PRAMEF12: variants seen among roughly 807,000 people sequenced by gnomAD.
The protein encoded by PRAMEF12 is PRAME family member 12.
A neutral mutation model predicts 24.6 loss-of-function variants in PRAMEF12; 24 were observed. That is an observed-to-expected ratio of 0.98 (90% CI 0.71 to 1.37). PRAMEF12 has a LOEUF of 1.37. Among genes scored for constraint, PRAMEF12 ranks in the 40% most tolerant of loss-of-function variants. PRAMEF12 has a pLI of 0.00. For missense variants in PRAMEF12, 646 were observed against 580.3 expected (o/e 1.11, Z -1.16); for synonymous variants, 286 against 242.6 (o/e 1.18, Z -1.66).
At position 12,776,001 on chromosome 1, in the gene PRAMEF12, A is replaced by G; in HGVS notation, c.746A>G (p.Asp249Gly). 1 of 1,614,060 alleles carries G rather than the reference A, an allele frequency of 6.2e-7. No individual in the cohort carries two copies. The highest frequency in any genetic ancestry group is 8.5e-7 in the Non-Finnish European group (1 of 1,180,012). The change falls in exon 2 of 3, where the codon GAC becomes GGC. Residue 249 changes from aspartate to glycine, a missense_variant. Transcript: ENST00000357726. ...CATGTCTCTGCCTGCATTCCCCTAG[A>G]CAGGAAGGAGCAGTTTGTCATCCAG... ...NIHVSACIPL[D>G]RKEQFVIQFT...
chr1:12,776,162 C>T (rs781499466), intron 2 of PRAMEF12, 44 bp downstream of exon 2: 3 of 1,578,138 alleles, frequency 1.9e-6, no homozygotes, highest in Non-Finnish European at 8.7e-7. Flanking sequence ...GCAGCAAAGA[C>T]TTTCTTTATT....
rs745324749 is a variant in PRAMEF12 at position 12,775,647 on chromosome 1, G to T, written c.392G>T (p.Arg131Leu). The change falls in exon 2 of 3, where the codon CGA becomes CTA. Residue 131 changes from arginine to leucine, a missense_variant. Transcript: ENST00000357726. ...ALSPEALSKR[R>L]TAGNCPRPGG... ...TCCCCAGAGGCCCTGAGTAAGAGAC[G>T]AACAGCAGGGAACTGTCCAAGGCCG... 1.1e-5 allele frequency: 18 copies of T among 1,613,966 alleles called. No homozygotes were observed. Among genetic ancestry groups the T allele is most frequent in the Non-Finnish European group, 1.4e-5 (17 of 1,179,996 alleles).
chr1:12,775,199 G>A (rs1477236144), intron 1 of PRAMEF12, 45 bp downstream of exon 1: 6 of 1,568,166 alleles, frequency 3.8e-6, no homozygotes, highest in Non-Finnish European at 5.2e-6. Context: ...CAGGCATCCA[G>A]GGTAGGGTTA....
Position 12,774,809 on chromosome 1 carries a change from G to T in PRAMEF12, c.-59G>T. The T allele has an allele frequency of 6.7e-7, 1 of 1,491,244 alleles. No individual in the cohort carries two copies. 92.4% of individuals were successfully genotyped at this position (1,491,244 alleles called of 1,614,324 possible). A position where few individuals can be genotyped will look rare whatever the true frequency, so the allele number is the denominator to read the frequency against. On this transcript the variant is annotated 5_prime_UTR_variant, in exon 1 of 3. Coordinates refer to ENST00000357726, the MANE Select transcript of PRAMEF12 (RefSeq NM_001080830.5). ...CAGAGCAATGACATTGGCACTAGGA[G>T]ATGATGAAGTGATGTGATTTGCCGT...
chr1:12,774,698 T>A lies in PRAMEF12; in HGVS notation c.-170T>A. 1 of 628,686 alleles carries A rather than the reference T, an allele frequency of 1.6e-6. No homozygotes were observed. Among genetic ancestry groups the A allele is most frequent in the Non-Finnish European group, 2.7e-6 (1 of 371,216 alleles). 38.9% of individuals were successfully genotyped at this position (628,686 alleles called of 1,614,324 possible). ...CTCATTGTTTGGAAGACATTCTTTA[T>A]GGTACCAGCAAGGGCAGAATTACAG... On this transcript the variant is annotated 5_prime_UTR_variant, in exon 1 of 3. An upstream start codon of the reference 5' UTR is lost. Coordinates refer to ENST00000357726, the MANE Select transcript of PRAMEF12 (RefSeq NM_001080830.5).
rs867645147 is a variant in PRAMEF12 at position 12,774,861 on chromosome 1, C to T, written c.-7C>T. ...AGAATGATGTTTTTTTCTCTAGATTCATCAGGATGAGCCTCCAGGCCCCAC... is the reference window on the plus strand; with the variant it reads ...AGAATGATGTTTTTTTCTCTAGATTTATCAGGATGAGCCTCCAGGCCCCAC... On this transcript the variant is annotated 5_prime_UTR_variant, in exon 1 of 3. Coordinates refer to ENST00000357726, the MANE Select transcript of PRAMEF12 (RefSeq NM_001080830.5). 6.3e-7 allele frequency: 1 copy of T among 1,580,914 alleles called. No individual in the cohort carries two copies. Among genetic ancestry groups the T allele is most frequent in the African/African-American group, 1.4e-5 (1 of 73,312 alleles).
rs74055637 is a variant in PRAMEF12 at position 12,774,292 on chromosome 1, A to T, written c.-576A>T. On this transcript the variant is annotated 5_prime_UTR_variant, in exon 1 of 3. Transcript: ENST00000357726. ...TTCCATCCCAAAGTGGGTCATTGTGAGTCTGTGTAAGAGATCAACATTGGA... is the reference window on the plus strand; with the variant it reads ...TTCCATCCCAAAGTGGGTCATTGTGTGTCTGTGTAAGAGATCAACATTGGA... Among the ~76,000 whole-genome samples the T allele has an allele frequency of 0.06, 9,183 of 152,136 alleles. 354 individuals are homozygous for T. The highest frequency in any genetic ancestry group is 0.11 in the African/African-American group (4,643 of 41,470).
Position 12,775,948 on chromosome 1 carries a change from T to C in PRAMEF12, c.693T>C (p.Asn231=). The C allele has an allele frequency of 6.2e-7, 1 of 1,614,098 alleles. No individual in the cohort carries two copies. Among genetic ancestry groups the C allele is most frequent in the Non-Finnish European group, 8.5e-7 (1 of 1,180,024 alleles). ...RFAPYLGQMR[N]LRKLVLFNIH... ...CCCCTTACCTGGGCCAGATGAGGAA[T>C]CTCCGCAAACTTGTTCTCTTCAACA... Residue 231 remains asparagine, a synonymous_variant, in exon 2 of 3, where the codon AAT becomes AAC. Coordinates refer to ENST00000357726, the MANE Select transcript of PRAMEF12 (RefSeq NM_001080830.5).
In PRAMEF12 at chr1:12,775,113, G is replaced by A. The variant is rs1639028400; in HGVS notation, c.246G>A (p.Leu82=). ...ATCTAGAGATCTTTCGAGCTGTGCTGGAGGGGCTTGATGCACTGCTTGCCC... is the reference window on the plus strand; with the variant it reads ...ATCTAGAGATCTTTCGAGCTGTGCTAGAGGGGCTTGATGCACTGCTTGCCC... ...SCNLEIFRAV[L]EGLDALLAQK... The change falls in exon 1 of 3, where the codon CTG becomes CTA. Residue 82 remains leucine, a synonymous_variant. Transcript: ENST00000357726. 8 of 1,613,762 alleles carry A rather than the reference G, an allele frequency of 5.0e-6. No homozygotes were observed. Among genetic ancestry groups the A allele is most frequent in the Non-Finnish European group, 6.8e-6 (8 of 1,179,850 alleles).
chr1:12,777,704 GA>G lies in PRAMEF12; in HGVS notation c.*108del. On this transcript the variant is annotated 3_prime_UTR_variant, in exon 3 of 3. Transcript: ENST00000357726. ...TGCCTGCTCAATGTGAACCGGAAAG[GA>G]AAGGGGATGCAGGAAGGGAGGGACT... is the stretch of plus-strand genomic sequence containing the variant. The G allele has an allele frequency of 2.2e-6, 3 of 1,336,452 alleles. No individual in the cohort carries two copies. Among genetic ancestry groups the G allele is most frequent in the Non-Finnish European group, 3.1e-6 (3 of 971,342 alleles). 82.8% of individuals were successfully genotyped at this position (1,336,452 alleles called of 1,614,324 possible).
Position 12,777,253 on chromosome 1 carries a change from T to C in PRAMEF12, c.1106T>C (p.Leu369Pro). 1 of 1,612,508 alleles carries C rather than the reference T, an allele frequency of 6.2e-7. No individual in the cohort carries two copies. The stretch of plus-strand genomic sequence containing the variant: ...GTGGATTCCCAACTCAGCGCCATCC[T>C]GCCTGCCCTGAGCCGCTGCTCCCAG... ...GIVDSQLSAI[L>P]PALSRCSQLS... The change falls in exon 3 of 3, where the codon CTG becomes CCG. Residue 369 changes from leucine (L) to proline (P), a missense_variant. Physicochemically the swap from Leu to Pro is moderately conservative, Grantham distance 98. Coordinates refer to ENST00000357726, the MANE Select transcript of PRAMEF12 (RefSeq NM_001080830.5).
In PRAMEF12 at chr1:12,774,319, C is replaced by T. The variant is rs1259488632; in HGVS notation, c.-549C>T. Among the ~76,000 whole-genome samples, 4 of 152,150 alleles carry T rather than the reference C, an allele frequency of 2.6e-5. No homozygotes were observed. Among genetic ancestry groups the T allele is most frequent in the African/African-American group, 9.7e-5 (4 of 41,428 alleles). ...TCTGTGTAAGAGATCAACATTGGAA[C>T]CTTCATCTGAGAGTTAGTGTTTTTA... On this transcript the variant is annotated 5_prime_UTR_variant, in exon 1 of 3. Transcript: ENST00000357726.
Position 12,777,811 on chromosome 1 carries a change from A to G in PRAMEF12, c.*212A>G, listed in dbSNP as rs1350933332. 3 of 611,926 alleles carry G rather than the reference A, an allele frequency of 4.9e-6. No individual in the cohort carries two copies. The highest frequency in any genetic ancestry group is 1.9e-5 in the African/African-American group (1 of 53,964). 37.9% of individuals were successfully genotyped at this position (611,926 alleles called of 1,614,324 possible). A position where few individuals can be genotyped will look rare whatever the true frequency, so the allele number is the denominator to read the frequency against. ...ATCAGAAATGGGAATCTGAATTGCT[A>G]GAATGAGAATCAGGTAGGAGAGACA... is the stretch of plus-strand genomic sequence containing the variant. On this transcript the variant is annotated 3_prime_UTR_variant, in exon 3 of 3. Transcript: ENST00000357726.
Position 12,777,808 on chromosome 1 carries a change from G to A in PRAMEF12, c.*209G>A. On this transcript the variant is annotated 3_prime_UTR_variant, in exon 3 of 3. Coordinates refer to ENST00000357726, the MANE Select transcript of PRAMEF12 (RefSeq NM_001080830.5). ...AGAATCAGAAATGGGAATCTGAATT[G>A]CTAGAATGAGAATCAGGTAGGAGAG... 1.6e-6 allele frequency: 1 copy of A among 615,250 alleles called. No individual in the cohort carries two copies. The highest frequency in any genetic ancestry group is 2.0e-5 in the South Asian group (1 of 49,500). The allele number at this position is 615,250 out of a possible 1,614,324, so 38.1% of individuals were successfully genotyped here. A position where few individuals can be genotyped will look rare whatever the true frequency, so the allele number is the denominator to read the frequency against.
At position 12,777,026 on chromosome 1, in the gene PRAMEF12, C is replaced by T. The variant is rs187712933; in HGVS notation, c.879C>T (p.Pro293=). Residue 293 remains proline (P), a synonymous_variant, in exon 3 of 3, where the codon CCC becomes CCT. Transcript: ENST00000357726. ...TCTCTCCCAGGTGTCTCCAGGCCCC[C>T]TTGGAGACAGTCGTAATGACCGAAT... is the stretch of plus-strand genomic sequence containing the variant. The part of the protein sequence containing the change: ...LDQLLRCLQA[P]LETVVMTECL... 2,208 of 1,612,922 alleles carry T rather than the reference C, an allele frequency of 1.4e-3. 3 individuals carry two copies. The highest frequency in any genetic ancestry group is 1.7e-3 in the Non-Finnish European group (2,023 of 1,179,352).
In PRAMEF12 at chr1:12,776,113, G is replaced by T. The variant is rs1202588851; in HGVS notation, c.858G>T (p.Leu286=). 6.2e-7 allele frequency: 1 copy of T among 1,613,832 alleles called. No individual in the cohort carries two copies. The highest frequency in any genetic ancestry group is 1.7e-5 in the Admixed American group (1 of 60,030). ...VSFLEGHLDQ[L]LRCLQAPLET... is the part of the protein sequence containing the mutation. ...TCCTCGAAGGCCACCTGGACCAGCTGCTCAGGTGAGGAAGTATGGTGAGCT... is the reference window on the plus strand; with the variant it reads ...TCCTCGAAGGCCACCTGGACCAGCTTCTCAGGTGAGGAAGTATGGTGAGCT... The change falls in exon 2 of 3, where the codon CTG becomes CTT. Residue 286 remains leucine (L), a synonymous_variant. Coordinates refer to ENST00000357726, the MANE Select transcript of PRAMEF12 (RefSeq NM_001080830.5).
At chr1:12,775,472 T>C in intron 1 of PRAMEF12, 71 bp from the exon 2 acceptor site, 1 of 1,392,664 alleles carries the variant, frequency 7.2e-7, no homozygotes, top group Non-Finnish European at 9.9e-7. Context: ...GGAGAGTCGC[T>C]GATGTCCGGG....
chr1:12,775,292 C>A (rs1639032608), intron 1 of PRAMEF12, 138 bp downstream of exon 1: 1 of 1,082,036 alleles, frequency 9.2e-7, no homozygotes, highest in Non-Finnish European at 1.3e-6. Context: ...GAGGCCTTGG[C>A]CATTGTCCAG....
chr1:12,774,185 T>C lies in PRAMEF12; in HGVS notation c.-683T>C, dbSNP rs1489722858. Among the ~76,000 whole-genome samples, 1 of 152,206 alleles carries C rather than the reference T, an allele frequency of 6.6e-6. No homozygotes were observed. The highest frequency in any genetic ancestry group is 6.5e-5 in the Admixed American group (1 of 15,288). The stretch of plus-strand genomic sequence containing the variant: ...TTACATGTTAGGCCTTAGTTTTTAC[T>C]AATACCTTAAAGATATTCCATAGGC... On this transcript the variant is annotated 5_prime_UTR_variant, in exon 1 of 3. It removes the in-frame stop codon of an upstream open reading frame in the 5' UTR. Coordinates refer to ENST00000357726, the MANE Select transcript of PRAMEF12 (RefSeq NM_001080830.5).
Sources: gnomAD v4.1 joint callset for allele counts (sites outside exome capture counted in the v4.1 genomes callset) on GRCh38, gnomAD v4.1.1 for gene constraint, MANE v1.5 for transcripts, NCBI Gene and HGNC (gene_info 2026-07-23, HGNC 2026-07-21) for gene names.